TC2N: variants seen among roughly 807,000 people sequenced by gnomAD.
TC2N encodes tandem C2 domains, nuclear.
Under a neutral mutation model 61.9 loss-of-function variants are expected in TC2N, and 51 were observed. That is an observed-to-expected ratio of 0.82 (90% CI 0.66 to 1.04). TC2N has a LOEUF of 1.04. Among genes scored for constraint, TC2N ranks in the 50% least tolerant of loss-of-function variants. The pLI, the probability that TC2N is intolerant of heterozygous loss-of-function variation, is 0.00. For missense variants in TC2N, 556 were observed against 566.7 expected (o/e 0.98, Z 0.19); for synonymous variants, 204 against 192.6 (o/e 1.06, Z -0.49).
chr14:91,792,543 C>A lies in TC2N; in HGVS notation c.871G>T (p.Glu291Ter). Residue 291 changes from glutamate (E) to a stop codon, truncating the protein, a stop_gained, in exon 9 of 12, where the codon GAA becomes TAA. Transcript: ENST00000435962. LOFTEE classifies it high-confidence loss of function. ...KEGSNAIEFM[E>*]TFVFAIKLQN... ...AGTTTAATAGCAAATACAAACGTTT[C>A]CATAAATTCAATAGCCTTAAAAAAA... is the stretch of plus-strand genomic sequence containing the variant. 1 of 1,542,504 alleles carries A rather than the reference C, an allele frequency of 6.5e-7. No individual in the cohort carries two copies. Among genetic ancestry groups the A allele is most frequent in the South Asian group, 1.3e-5 (1 of 78,336 alleles).
At chr14:91,789,187 C>T (rs1885517034) in intron 9 of TC2N, among the ~76,000 whole-genome samples, 3 of 152,134 alleles carry the variant, frequency 2.0e-5, no homozygotes, top group Admixed American at 1.3e-4. Flanking sequence ...AGTTCACTCT[C>T]ATAAAACAGA....
chr14:91,858,039 C>G (rs1254658110), intron 1 of TC2N, among the ~76,000 whole-genome samples: 1 of 152,040 alleles, frequency 6.6e-6, no homozygotes, highest in Non-Finnish European at 1.5e-5. Context: ...CATCATGGCT[C>G]ATTGCAGCCT....
chr14:91,839,623 A>G (rs1381770974), intron 1 of TC2N, among the ~76,000 whole-genome samples: 2 of 152,232 alleles, frequency 1.3e-5, no homozygotes, highest in Non-Finnish European at 2.9e-5. Context: ...AAAGAGTATA[A>G]ATTCCTAGAG....
At chr14:91,836,497 C>T (rs1267178025) in intron 1 of TC2N, 11 of 148,762 alleles carry the variant, frequency 7.4e-5, no homozygotes, top group African/African-American at 2.7e-4. Flanking sequence ...TTACCCCCTC[C>T]CCTCCACTTC....
rs1230337457 is a variant in TC2N at position 91,782,801 on chromosome 14, A to T, written c.*299T>A. On this transcript the variant is annotated 3_prime_UTR_variant, in exon 12 of 12. Transcript: ENST00000435962. ...AAAAGCGAAAACATAATATAGAAAG[A>T]ACTATCTATGGTTGATATTCTCACA... 1 of 252,746 alleles carries T rather than the reference A, an allele frequency of 4.0e-6. No individual in the cohort carries two copies. Among genetic ancestry groups the T allele is most frequent in the African/African-American group, 2.3e-5 (1 of 44,382 alleles). 15.7% of individuals were successfully genotyped at this position (252,746 alleles called of 1,614,324 possible). A position where few individuals can be genotyped will look rare whatever the true frequency, so the allele number is the denominator to read the frequency against.
At chr14:91,858,132 ATTCT>A (rs1376881796) in intron 1 of TC2N, among the ~76,000 whole-genome samples, 4 of 124,858 alleles carry the variant, frequency 3.2e-5, no homozygotes, top group African/African-American at 1.2e-4. Context: ...TGCTTGGCTG[ATTCT>A]TTCTTTCTTC....
chr14:91,865,089 A>G (rs758411583), intron 1 of TC2N, among the ~76,000 whole-genome samples: 1 of 152,080 alleles, frequency 6.6e-6, no homozygotes, highest in Non-Finnish European at 1.5e-5. Flanking sequence ...TCATCTTTAC[A>G]TTATTGCTCA....
At chr14:91,800,174 C>T (rs1781341019) in intron 5 of TC2N, 107 bp downstream of exon 5, 1 of 562,478 alleles carries the variant, frequency 1.8e-6, no homozygotes, top group Non-Finnish European at 3.1e-6. Context: ...AGAACAGATA[C>T]ATCTACAAAA....
chr14:91,823,999 T>C (rs1344503739), intron 1 of TC2N, among the ~76,000 whole-genome samples: 2 of 152,212 alleles, frequency 1.3e-5, no homozygotes, highest in African/African-American at 2.4e-5. Context: ...TAAGAATAAA[T>C]GTTTGCTGTC....
Position 91,787,589 on chromosome 14 carries a change from T to C in TC2N, c.1086A>G (p.Gln362=), listed in dbSNP as rs139155210. 3.5e-5 allele frequency: 56 copies of C among 1,612,374 alleles called. No individual in the cohort carries two copies. In the African/African-American group the frequency reaches 6.0e-4, roughly 17 times the overall value. The change falls in exon 10 of 12, where the codon CAA becomes CAG. Residue 362 remains glutamine, a synonymous_variant. Transcript: ENST00000435962. ...GTAACTGAATTCTGCTATTTACTGC[T>C]TGAAAACAAGTCCCCAATTCAAGTT... The part of the protein sequence containing the change: ...HAELELGTCF[Q]AVNSRIQLQI...
chr14:91,797,681 T>G, intron 8 of TC2N, 104 bp downstream of exon 8: 1 of 763,904 alleles, frequency 1.3e-6, no homozygotes, highest in Non-Finnish European at 2.1e-6. Context: ...GTAGTTTCCC[T>G]AAGATAAAAG....
chr14:91,853,916 T>TA (rs919383518), intron 1 of TC2N, among the ~76,000 whole-genome samples: 8 of 148,544 alleles, frequency 5.4e-5, no homozygotes, highest in South Asian at 2.1e-4. Context: ...TTTATTGAAT[T>TA]AAAAAAAAAA....
intron 8 of TC2N, among the ~76,000 whole-genome samples, chr14:91,794,121 A>G (rs777756108): frequency 6.6e-6 from 1 of 152,208 alleles, no homozygotes; most frequent in Non-Finnish European, 1.5e-5. Context: ...AATCCAGAGC[A>G]AGGTCCTAAC....
At chr14:91,789,654 T>C (rs992166982) in intron 9 of TC2N, among the ~76,000 whole-genome samples, 3 of 149,700 alleles carry the variant, frequency 2.0e-5, no homozygotes, top group Non-Finnish European at 3.0e-5. Flanking sequence ...CATTTGGCAA[T>C]AGGCTTACCA....
At chr14:91,861,906 G>A (rs1017856710) in intron 1 of TC2N, among the ~76,000 whole-genome samples, 1 of 115,498 alleles carries the variant, frequency 8.7e-6, no homozygotes, top group African/African-American at 3.1e-5. Flanking sequence ...AAACCATGTC[G>A]TTGGAAAATA....
At chr14:91,811,504 TTCTC>T (rs149850675) in intron 3 of TC2N, among the ~76,000 whole-genome samples, 2,281 of 152,200 alleles carry the variant, frequency 0.015, 51 homozygotes, top group African/African-American at 0.05. Context: ...TTGTTTCATC[TTCTC>T]TCTAATAATT....
At chr14:91,809,906 GAAGA>G (rs1193700940) in intron 3 of TC2N, among the ~76,000 whole-genome samples, 2 of 152,326 alleles carry the variant, frequency 1.3e-5, no homozygotes, top group African/African-American at 2.4e-5. Context: ...TAGGAGGGAG[GAAGA>G]AAGAAAGGAA....
intron 1 of TC2N, among the ~76,000 whole-genome samples, chr14:91,846,553 G>A (rs1413961041): frequency 6.6e-6 from 1 of 152,136 alleles, no homozygotes; most frequent in Non-Finnish European, 1.5e-5. Flanking sequence ...TACCAAAAGA[G>A]GCATCCAGCC....
Position 91,837,401 on chromosome 14 carries a change from G to A in TC2N, c.-56-23576C>T, listed in dbSNP as rs966291469. On this transcript the variant is annotated intron_variant, in intron 1 of 11. Coordinates refer to ENST00000435962, the MANE Select transcript of TC2N (RefSeq NM_001128596.3). This position sits in a 1 kb window ranked among gnomAD's most constrained non-coding sequence, Gnocchi z 4.2. ...TGCCAGGCTAATTTTTTAATTTTTT[G>A]TAGAGATGAAGTCTTATTATATGGC... Among the ~76,000 whole-genome samples, 1 of 152,042 alleles carries A rather than the reference G, an allele frequency of 6.6e-6. No homozygotes were observed. The highest frequency in any genetic ancestry group is 6.5e-5 in the Admixed American group (1 of 15,276).
Sources: gnomAD v4.1 joint callset for allele counts (sites outside exome capture counted in the v4.1 genomes callset) on GRCh38, gnomAD v4.1.1 for gene constraint, Gnocchi (gnomAD v3.1) non-coding constraint, MANE v1.5 for transcripts, NCBI Gene and HGNC (gene_info 2026-07-23, HGNC 2026-07-21) for gene names.